The following RAB17 variants were observed in gnomAD, a reference collection of about 807,000 sequenced individuals.
The protein encoded by RAB17 is ras-related protein Rab-17.
RAB17 carries 15 observed loss-of-function variants against 19.3 expected under a neutral mutation model. That is an observed-to-expected ratio of 0.78 (90% CI 0.52 to 1.20). The LOEUF (loss-of-function observed/expected upper bound fraction) is 1.20, where lower values mean the gene tolerates loss of function less well. Ranked by LOEUF, RAB17 falls within the 50% of genes most tolerant of loss-of-function variation. RAB17 has a pLI of 0.00. For missense variants in RAB17, 262 were observed against 269.3 expected (o/e 0.97, Z 0.19); for synonymous variants, 110 against 112.8 (o/e 0.97, Z 0.16).
In RAB17 at chr2:237,575,103, G is replaced by C; in HGVS notation, c.555C>G (p.Asp185Glu). Residue 185 changes from aspartate to glutamate, a missense_variant, in exon 6 of 6, where the codon GAC (aspartate) becomes GAG (glutamate). By Grantham distance (45) the Asp-to-Glu change is conservative. Transcript: ENST00000264601. ...CCCCCCGTAGAGCCTGGCCCTCCTC[G>C]TCGCTTCTCTGCAGTAGCTCTTGGG... ...TVAQELLQRS[D>E]EEGQALRGDA... 6.2e-7 allele frequency: 1 copy of C among 1,613,468 alleles called. No individual in the cohort carries two copies. The highest frequency in any genetic ancestry group is 8.5e-7 in the Non-Finnish European group (1 of 1,179,846).
rs1003769966 is a variant in RAB17 at position 237,585,986 on chromosome 2, G to T, written c.157+12C>A. 10 of 1,592,264 alleles carry T rather than the reference G, an allele frequency of 6.3e-6. No homozygotes were observed. The highest frequency in any genetic ancestry group is 1.2e-5 in the South Asian group (1 of 86,688). ...CTGAAGACCAACAAAGGGGTGCTCTGCCCTCACTTACAGCCCACCGTAGGC... is the reference window on the plus strand; with the variant it reads ...CTGAAGACCAACAAAGGGGTGCTCTTCCCTCACTTACAGCCCACCGTAGGC... On this transcript the variant is annotated intron_variant, in intron 2 of 5. Coordinates refer to ENST00000264601, the MANE Select transcript of RAB17 (RefSeq NM_022449.4).
intron 1 of RAB17, among the ~76,000 whole-genome samples, chr2:237,588,364 C>G (rs2081367482): frequency 6.6e-6 from 1 of 152,170 alleles, no homozygotes; most frequent in East Asian, 1.9e-4. Context: ...CCATAAGAAA[C>G]AAATCTTTGT....
Position 237,574,907 on chromosome 2 carries a change from A to C in RAB17, c.*112T>G, listed in dbSNP as rs2081248600. 2.2e-6 allele frequency: 2 copies of C among 911,398 alleles called. No homozygotes were observed. The highest frequency in any genetic ancestry group is 4.1e-5 in the South Asian group (2 of 48,218). 56.5% of individuals were successfully genotyped at this position (911,398 alleles called of 1,614,324 possible). ...TCATAAAGGGGGCCAACTTCCAGGA[A>C]CATCTAGGGCTCGGGAGCAACCCAG... On this transcript the variant is annotated 3_prime_UTR_variant, in exon 6 of 6. Transcript: ENST00000264601.
intron 3 of RAB17, 43 bp from the exon 4 acceptor site, chr2:237,577,425 G>C: frequency 6.4e-7 from 1 of 1,567,376 alleles, no homozygotes; most frequent in Non-Finnish European, 8.7e-7. Context: ...AAACTTATAG[G>C]TGGTCATTAG....
chr2:237,582,153 G>A (rs1187631102), intron 2 of RAB17, among the ~76,000 whole-genome samples: 1 of 152,254 alleles, frequency 6.6e-6, no homozygotes, highest in Non-Finnish European at 1.5e-5. Context: ...CAGCCAGCAC[G>A]TTGGCTTTCC....
intron 2 of RAB17, among the ~76,000 whole-genome samples, 172 bp downstream of exon 2, chr2:237,585,826 G>A (rs1460538011): frequency 7.2e-5 from 11 of 152,188 alleles, no homozygotes; most frequent in Non-Finnish European, 2.9e-5. Flanking sequence ...TGTAGATTCT[G>A]TGGCTGCCCT....
At chr2:237,586,584 T>C (rs982035894) in intron 1 of RAB17, among the ~76,000 whole-genome samples, 2 of 152,180 alleles carry the variant, frequency 1.3e-5, no homozygotes, top group East Asian at 1.9e-4. Context: ...TGGATTAAAG[T>C]TGGTGTTTCA....
chr2:237,581,608 T>C (rs1176443308), intron 2 of RAB17, among the ~76,000 whole-genome samples: 1 of 152,156 alleles, frequency 6.6e-6, no homozygotes, highest in Non-Finnish European at 1.5e-5. Context: ...TACCTTTTAA[T>C]TTAAATAAAC....
At chr2:237,583,599 C>T (rs1186310569) in intron 2 of RAB17, among the ~76,000 whole-genome samples, 1 of 152,188 alleles carries the variant, frequency 6.6e-6, no homozygotes, top group African/African-American at 2.4e-5. Context: ...GGGATGAAGG[C>T]AGCTCATGAG....
chr2:237,586,822 G>C (rs73999147), intron 1 of RAB17, among the ~76,000 whole-genome samples: 1 of 152,092 alleles, frequency 6.6e-6, no homozygotes, highest in Non-Finnish European at 1.5e-5. Flanking sequence ...CCCACCTCCC[G>C]CTTCCCCAGT....
At chr2:237,582,494 C>T (rs2081316387) in intron 2 of RAB17, among the ~76,000 whole-genome samples, 1 of 152,234 alleles carries the variant, frequency 6.6e-6, no homozygotes. Context: ...AGTGGCATGC[C>T]TGTGGCCATC....
chr2:237,588,176 G>A (rs2081365401), intron 1 of RAB17, among the ~76,000 whole-genome samples: 1 of 152,098 alleles, frequency 6.6e-6, no homozygotes, highest in African/African-American at 2.4e-5. Context: ...AAGGGGGTTG[G>A]GTCATGAGGA....
intron 2 of RAB17, among the ~76,000 whole-genome samples, chr2:237,581,253 T>C (rs1055105097): frequency 6.7e-6 from 1 of 148,834 alleles, no homozygotes; most frequent in Non-Finnish European, 1.5e-5. Context: ...CGCACACCTG[T>C]GGTCCCAGCT....
chr2:237,574,645 C>A lies in RAB17; in HGVS notation c.*374G>T. 6 of 1,485,878 alleles carry A rather than the reference C, an allele frequency of 4.0e-6. No individual in the cohort carries two copies. In the South Asian group the frequency reaches 4.1e-5, roughly 10 times the overall value. The allele number at this position is 1,485,878 out of a possible 1,614,324, so 92.0% of individuals were successfully genotyped here. A position where few individuals can be genotyped will look rare whatever the true frequency, so the allele number is the denominator to read the frequency against. On this transcript the variant is annotated 3_prime_UTR_variant, in exon 6 of 6. Coordinates refer to ENST00000264601, the MANE Select transcript of RAB17 (RefSeq NM_022449.4). ...GGCCCAGGCTCCAGGCCAGTGCCCC[C>A]ATCAAGATCAGACGTAAGGCATCTT...
chr2:237,575,491 C>G lies in RAB17; in HGVS notation c.436-11G>C, dbSNP rs936134211. On this transcript the variant is annotated splice_polypyrimidine_tract_variant and intron_variant, in intron 4 of 5. Transcript: ENST00000264601. ...AAACTCCTTCCCTTCCTGAAGGAAA[C>G]AGCCACAAAATCCAGCGCTGTTTAT... The G allele has an allele frequency of 6.2e-7, 1 of 1,600,944 alleles. No homozygotes were observed. Among genetic ancestry groups the G allele is most frequent in the African/African-American group, 1.3e-5 (1 of 74,748 alleles).
chr2:237,577,855 T>G (rs1574933076), intron 3 of RAB17, 149 bp downstream of exon 3: 2 of 844,366 alleles, frequency 2.4e-6, no homozygotes, highest in Non-Finnish European at 3.7e-6. Context: ...GGATGGGGGG[T>G]TGTCAGGAGG....
chr2:237,575,187 C>CCCTG (rs1398296792), intron 5 of RAB17, 59 bp from the exon 6 acceptor site: 2 of 1,426,028 alleles, frequency 1.4e-6, no homozygotes, highest in African/African-American at 2.9e-5. Context: ...CCCAGCACAG[C>CCCTG]CCTGCAGACC....
chr2:237,581,136 C>T (rs1050573588), intron 2 of RAB17, among the ~76,000 whole-genome samples: 6 of 152,024 alleles, frequency 3.9e-5, no homozygotes, highest in African/African-American at 1.4e-4. Context: ...TGCCTGTAAC[C>T]CCAGCATTTT....
intron 2 of RAB17, among the ~76,000 whole-genome samples, chr2:237,580,484 T>C (rs2081299414): frequency 6.6e-6 from 1 of 152,210 alleles, no homozygotes; most frequent in Non-Finnish European, 1.5e-5. Context: ...CTCATGCCTG[T>C]AATCCCAGCA....
Sources: gnomAD v4.1 joint callset for allele counts (sites outside exome capture counted in the v4.1 genomes callset) on GRCh38, gnomAD v4.1.1 for gene constraint, MANE v1.5 for transcripts, NCBI Gene and HGNC (gene_info 2026-07-23, HGNC 2026-07-21) for gene names.